LRIF1: variants seen among roughly 807,000 people sequenced by gnomAD.
The protein encoded by LRIF1 is ligand dependent nuclear receptor interacting factor 1, also known as ligand-dependent nuclear receptor-interacting factor 1.
A neutral mutation model predicts 52.7 loss-of-function variants in LRIF1; 32 were observed. The ratio of observed to expected loss-of-function variants is 0.61; its 90% CI spans 0.46 to 0.82. The LOEUF (loss-of-function observed/expected upper bound fraction) is 0.82, where lower values mean the gene tolerates loss of function less well. LRIF1 is among the 40% of genes least tolerant of loss of function. LRIF1 has a pLI of 0.00. For synonymous variants in LRIF1, 323 were observed against 317.4 expected (o/e 1.02, Z -0.19); for missense variants, 887 against 892.0 (o/e 0.99, Z 0.07).
chr1:110,889,555 CAAATAAATAAATAAAT>C, the LRIF1 span, among the ~76,000 whole-genome samples: 1 of 146,236 alleles, frequency 6.8e-6, no homozygotes, highest in Non-Finnish European at 1.5e-5. Flanking sequence ...AAAACTCCGT[CAAATAAATAAATAAAT>C]AAATAAATAA....
the LRIF1 span, among the ~76,000 whole-genome samples, chr1:110,891,662 A>C: frequency 6.6e-6 from 1 of 152,158 alleles, no homozygotes; most frequent in African/African-American, 2.4e-5. Context: ...TGCAAAATTG[A>C]AAGGTACCAG....
the LRIF1 span, chr1:110,936,570 G>A: frequency 1.0e-3 from 152 of 151,892 alleles, no homozygotes; most frequent in African/African-American, 3.5e-3. Flanking sequence ...CAAGCTTCAC[G>A]GTGATCTCAA....
chr1:110,910,135 TAA>T, the LRIF1 span, among the ~76,000 whole-genome samples: 1 of 151,700 alleles, frequency 6.6e-6, no homozygotes, highest in Non-Finnish European at 1.5e-5. Context: ...CGCAGAAAAC[TAA>T]GAGAGATATC....
the LRIF1 span, among the ~76,000 whole-genome samples, chr1:110,918,609 C>G: frequency 6.6e-6 from 1 of 152,042 alleles, no homozygotes; most frequent in Non-Finnish European, 1.5e-5. Context: ...TGTAAAATCA[C>G]CTTAGAAGAA....
At chr1:110,942,908 G>A (rs1219476084), downstream of LRIF1, among the ~76,000 whole-genome samples, 3 of 151,868 alleles carry the variant, frequency 2.0e-5, no homozygotes, top group Non-Finnish European at 4.4e-5. Flanking sequence ...GAATATAGAC[G>A]GTATTTTGAT....
intron 1 of LRIF1, among the ~76,000 whole-genome samples, chr1:110,961,964 T>C (rs1658971204): frequency 6.6e-6 from 1 of 151,766 alleles, no homozygotes; most frequent in Admixed American, 6.6e-5. Flanking sequence ...CATAAATCAA[T>C]GAGTTAATGA....
the LRIF1 span, chr1:110,937,471 A>C: frequency 1.3e-5 from 2 of 152,074 alleles, no homozygotes; most frequent in South Asian, 4.1e-4. Flanking sequence ...AATATGCTCC[A>C]GAATGACCAG....
At chr1:110,918,078 T>C in the LRIF1 span, among the ~76,000 whole-genome samples, 6 of 152,178 alleles carry the variant, frequency 3.9e-5, no homozygotes, top group African/African-American at 1.4e-4. Context: ...ACTTTAAAAA[T>C]TGACTTTCTT....
the LRIF1 span, chr1:110,897,610 A>C: frequency 5.9e-5 from 28 of 474,168 alleles, no homozygotes; most frequent in African/African-American, 5.1e-4. Context: ...TGTAATGATA[A>C]CACCACCAGA....
chr1:110,932,756 G>A, the LRIF1 span, among the ~76,000 whole-genome samples: 3 of 151,934 alleles, frequency 2.0e-5, no homozygotes, highest in African/African-American at 4.8e-5. Context: ...ATTTCTCCTC[G>A]AACTTTTGCC....
chr1:110,879,098 A>T, the LRIF1 span, among the ~76,000 whole-genome samples: 4 of 152,236 alleles, frequency 2.6e-5, no homozygotes, highest in South Asian at 6.2e-4. Context: ...GCAAGGGATT[A>T]TTCTTGCCCC....
chr1:110,875,842 A>G, the LRIF1 span, among the ~76,000 whole-genome samples: 1 of 152,208 alleles, frequency 6.6e-6, no homozygotes, highest in Non-Finnish European at 1.5e-5. Flanking sequence ...GGAAAGAGAA[A>G]GACATGCATT....
chr1:110,902,384 G>A, the LRIF1 span, among the ~76,000 whole-genome samples: 1 of 151,642 alleles, frequency 6.6e-6, no homozygotes, highest in Non-Finnish European at 1.5e-5. Flanking sequence ...CCTTTTAAAT[G>A]GGTATATGTA....
intron 1 of LRIF1, among the ~76,000 whole-genome samples, chr1:110,959,842 A>G (rs1379355936): frequency 6.6e-6 from 1 of 152,014 alleles, no homozygotes; most frequent in African/African-American, 2.4e-5. Context: ...TCTAATATTG[A>G]TATGAGGCAT....
chr1:110,960,438 G>A (rs984420164), intron 1 of LRIF1, among the ~76,000 whole-genome samples: 1 of 152,134 alleles, frequency 6.6e-6, no homozygotes, highest in Non-Finnish European at 1.5e-5. Context: ...CAAACCCCCT[G>A]CTGAGAACAC....
At chr1:110,930,877 T>C in the LRIF1 span, among the ~76,000 whole-genome samples, 2 of 152,184 alleles carry the variant, frequency 1.3e-5, no homozygotes, top group African/African-American at 4.8e-5. Context: ...TGCAACATAC[T>C]CAGCTTTTAG....
chr1:110,934,838 T>C, the LRIF1 span, among the ~76,000 whole-genome samples: 9 of 152,282 alleles, frequency 5.9e-5, no homozygotes, highest in South Asian at 2.1e-4. Flanking sequence ...TCCCAGGGCC[T>C]TAAGTGAACA....
chr1:110,951,786 C>T lies in LRIF1; in HGVS notation c.1098G>A (p.Leu366=). ...ALVMFNGKVY[L]LAKKGTDVLP... is the part of the protein sequence containing the mutation. ...GAACATCTGTCCCCTTTTTAGCCAA[C>T]AGATAGACTTTCCCATTAAACATAA... The change falls in exon 2 of 4, where the codon CTG becomes CTA. Residue 366 remains leucine (L), a synonymous_variant. Transcript: ENST00000369763. 1 of 1,612,508 alleles carries T rather than the reference C, an allele frequency of 6.2e-7. No individual in the cohort carries two copies.
In LRIF1 at chr1:110,947,268, TA is replaced by T. The variant is rs1658236211; in HGVS notation, c.*690del. On this transcript the variant is annotated 3_prime_UTR_variant, in exon 4 of 4. Coordinates refer to ENST00000369763, the MANE Select transcript of LRIF1 (RefSeq NM_018372.4). ...TTTTACACAATCTCAGTAACGTATG[TA>T]CATAGTCCCAAAAAAAAAAAAAGCA... 7.0e-6 allele frequency: 1 copy of T among 143,474 alleles called. No individual in the cohort carries two copies. The highest frequency in any genetic ancestry group is 1.6e-5 in the Non-Finnish European group (1 of 64,246). 8.9% of individuals were successfully genotyped at this position (143,474 alleles called of 1,614,324 possible). A position where few individuals can be genotyped will look rare whatever the true frequency, so the allele number is the denominator to read the frequency against.
Sources: gnomAD v4.1 joint callset for allele counts (sites outside exome capture counted in the v4.1 genomes callset) on GRCh38, gnomAD v4.1.1 for gene constraint, MANE v1.5 for transcripts, NCBI Gene and HGNC (gene_info 2026-07-23, HGNC 2026-07-21) for gene names.